GRIN3A: variants seen among roughly 807,000 people sequenced by gnomAD.
GRIN3A encodes the protein glutamate receptor ionotropic, NMDA 3A.
GRIN3A carries 47 observed loss-of-function variants against 92.4 expected under a neutral mutation model. That is an observed-to-expected ratio of 0.51 (90% CI 0.40 to 0.65). The LOEUF is 0.65. Among genes scored for constraint, GRIN3A ranks in the 30% least tolerant of loss-of-function variants. The probability of loss-of-function intolerance (pLI) is 0.00; values close to 1 mark genes in which losing one functional copy is unlikely to be tolerated. For missense variants in GRIN3A, 1,324 were observed against 1,393.1 expected (o/e 0.95, Z 0.79); for synonymous variants, 527 against 540.6 (o/e 0.97, Z 0.35).
At chr9:101,684,523 A>G (rs1829506308) in intron 2 of GRIN3A, among the ~76,000 whole-genome samples, 1 of 152,124 alleles carries the variant, frequency 6.6e-6, no homozygotes, top group Admixed American at 6.5e-5. Flanking sequence ...CTCAGAACTC[A>G]GATTCACAGA....
chr9:101,591,495 G>T (rs909959289), intron 6 of GRIN3A: 8 of 152,208 alleles, frequency 5.3e-5, no homozygotes, highest in Admixed American at 2.0e-4. Flanking sequence ...CTTTGGAGAA[G>T]ATGCTAGATC....
At chr9:101,606,741 AAAAG>A (rs1284509143) in intron 6 of GRIN3A, among the ~76,000 whole-genome samples, 3 of 152,014 alleles carry the variant, frequency 2.0e-5, no homozygotes, top group Non-Finnish European at 2.9e-5. Context: ...GAGGCTTGCA[AAAAG>A]AAAGAAGTTA....
Position 101,623,303 on chromosome 9 carries a change from G to A in GRIN3A, c.2614+15C>T. On this transcript the variant is annotated intron_variant, in intron 5 of 8. Transcript: ENST00000361820. ...CATCCTGAGTAAAAGTGAATCAAGA[G>A]TGACTGATTAATACCTTCTATGGCA... The A allele has an allele frequency of 1.3e-6, 2 of 1,539,748 alleles. No individual in the cohort carries two copies. Among genetic ancestry groups the A allele is most frequent in the Non-Finnish European group, 1.8e-6 (2 of 1,112,148 alleles).
chr9:101,737,926 C>G lies in GRIN3A; in HGVS notation c.54G>C (p.Pro18=). The G allele has an allele frequency of 1.3e-6, 2 of 1,537,180 alleles. No individual in the cohort carries two copies. Among genetic ancestry groups the G allele is most frequent in the Non-Finnish European group, 1.7e-6 (2 of 1,148,068 alleles). ...CGGCCAGCACCAGTGCGCAGGGCGG[C>G]GGCAACAGCAGACAGACCCTGCTCA... ...WLLSRVCLLL[P]PPCALVLAGV... The change falls in exon 1 of 9, where the codon CCG becomes CCC. Residue 18 remains proline (P), a synonymous_variant. Coordinates refer to ENST00000361820, the MANE Select transcript of GRIN3A (RefSeq NM_133445.3).
Position 101,628,392 on chromosome 9 carries a change from G to A in GRIN3A, c.2362C>T (p.Pro788Ser). Residue 788 changes from proline (P) to serine (S), a missense_variant, in exon 4 of 9, where the codon CCT (proline) becomes TCT (serine). Pro to Ser is a moderately conservative substitution (Grantham distance 74). Transcript: ENST00000361820. The part of the protein sequence containing the change: ...SGIHDPKLHH[P>S]SQGFRFGTVR... ...GTTCCAAAGCGGAATCCTTGGGAAG[G>A]ATGATGTAACTATGAGGGAGAAAAA... The A allele has an allele frequency of 6.2e-7, 1 of 1,613,618 alleles. No individual in the cohort carries two copies. Among genetic ancestry groups the A allele is most frequent in the East Asian group, 2.2e-5 (1 of 44,864 alleles).
At chr9:101,722,530 C>T (rs1366171465) in intron 1 of GRIN3A, among the ~76,000 whole-genome samples, 5 of 152,206 alleles carry the variant, frequency 3.3e-5, no homozygotes, top group African/African-American at 4.8e-5. Context: ...AAACACTCAA[C>T]GCCAGCCTGT....
chr9:101,653,481 G>T (rs1829039304), intron 3 of GRIN3A, among the ~76,000 whole-genome samples: 1 of 151,720 alleles, frequency 6.6e-6, no homozygotes, highest in Non-Finnish European at 1.5e-5. Context: ...ATTGTAAATT[G>T]CACATTGATG....
chr9:101,605,518 C>T (rs985960432), intron 6 of GRIN3A, among the ~76,000 whole-genome samples: 3 of 152,120 alleles, frequency 2.0e-5, no homozygotes, highest in Non-Finnish European at 2.9e-5. Context: ...TACCTCATAA[C>T]GAGGTTAATA....
intron 1 of GRIN3A, among the ~76,000 whole-genome samples, chr9:101,715,200 T>TAAAAAA (rs5899459): frequency 1.6e-5 from 2 of 127,682 alleles, no homozygotes; most frequent in Non-Finnish European, 3.2e-5. Context: ...ACAAAAATGG[T>TAAAAAA]AAAAAAAAAA....
At chr9:101,614,609 CTTTTTTTT>C (rs754003481) in intron 5 of GRIN3A, among the ~76,000 whole-genome samples, 10 of 83,068 alleles carry the variant, frequency 1.2e-4, no homozygotes, top group East Asian at 4.4e-4. Context: ...ATATGTGATA[CTTTTTTTT>C]TTTTTTTTTT....
chr9:101,647,585 T>A (rs1828955111), intron 3 of GRIN3A, among the ~76,000 whole-genome samples: 1 of 151,978 alleles, frequency 6.6e-6, no homozygotes, highest in African/African-American at 2.4e-5. Context: ...TTAGTTCTTT[T>A]AAAGTTTGGT....
chr9:101,682,864 C>T (rs910888575), intron 2 of GRIN3A, among the ~76,000 whole-genome samples: 1 of 152,160 alleles, frequency 6.6e-6, no homozygotes, highest in African/African-American at 2.4e-5. Context: ...CGCCTGTAGT[C>T]CCAGCTACTC....
intron 1 of GRIN3A, among the ~76,000 whole-genome samples, chr9:101,699,414 C>CAATAAA (rs1195051849): frequency 6.6e-6 from 1 of 152,118 alleles, no homozygotes; most frequent in African/African-American, 2.4e-5. Context: ...TCTAAAATAA[C>CAATAAA]CATAAACAGT....
chr9:101,624,016 C>T (rs1024060432), intron 4 of GRIN3A, among the ~76,000 whole-genome samples: 98 of 152,246 alleles, frequency 6.4e-4, no homozygotes, highest in African/African-American at 2.2e-3. Context: ...ATACATGCAA[C>T]GATTTCTTTG....
At chr9:101,693,651 G>A (rs1233233036) in intron 1 of GRIN3A, among the ~76,000 whole-genome samples, 1 of 152,138 alleles carries the variant, frequency 6.6e-6, no homozygotes, top group African/African-American at 2.4e-5. Flanking sequence ...GACATTCCCT[G>A]TGTTTCTGGG....
At chr9:101,695,056 A>C (rs1444933280) in intron 1 of GRIN3A, among the ~76,000 whole-genome samples, 1 of 152,206 alleles carries the variant, frequency 6.6e-6, no homozygotes. Context: ...TCTTTTGCGT[A>C]ATGAAAATGG....
rs182759786 is a variant in GRIN3A, at chr9:101,646,348, A to G, written c.2353-17947T>C. ...GAGACTGTCTCTTCAATATGCATTGAAACAATATACACTGTTTACGCAAGG... is the reference window on the plus strand; with the variant it reads ...GAGACTGTCTCTTCAATATGCATTGGAACAATATACACTGTTTACGCAAGG... On this transcript the variant is annotated intron_variant, in intron 3 of 8. Coordinates refer to ENST00000361820, the MANE Select transcript of GRIN3A (RefSeq NM_133445.3). 1.3e-3 allele frequency among the ~76,000 whole-genome samples: 196 copies of G among 151,714 alleles called. 1 individual carries two copies. Among genetic ancestry groups the G allele is most frequent in the African/African-American group, 4.5e-3 (188 of 41,516 alleles).
At chr9:101,643,900 A>C (rs756276639) in intron 3 of GRIN3A, among the ~76,000 whole-genome samples, 34 of 151,620 alleles carry the variant, frequency 2.2e-4, no homozygotes, top group Non-Finnish European at 4.1e-4. Flanking sequence ...GACTGTGGAG[A>C]GGATGGCGGG....
At chr9:101,603,883 G>C (rs545325624) in intron 6 of GRIN3A, among the ~76,000 whole-genome samples, 92 of 152,334 alleles carry the variant, frequency 6.0e-4, no homozygotes, top group African/African-American at 2.2e-3. Flanking sequence ...TCCGCTACAG[G>C]GGTTACCTCC....
Sources: allele counts gnomAD v4.1 joint callset (sites outside exome capture counted in the v4.1 genomes callset), GRCh38; gene constraint gnomAD v4.1.1; transcripts MANE v1.5; gene names NCBI Gene and HGNC (gene_info 2026-07-23, HGNC 2026-07-21).